Variants in NINL observed in about 807,000 individuals in gnomAD.
NINL encodes the protein ninein like, also known as ninein-like protein.
NINL carries 153 observed loss-of-function variants against 160.3 expected under a neutral mutation model. The ratio of observed to expected loss-of-function variants is 0.95; its 90% confidence interval spans 0.84 to 1.09. The LOEUF (loss-of-function observed/expected upper bound fraction) is 1.09, where lower values mean the gene tolerates loss of function less well. NINL is among the 50% of genes least tolerant of loss of function. The probability of loss-of-function intolerance (pLI) is 0.00; values close to 1 mark genes in which losing one functional copy is unlikely to be tolerated. For missense variants in NINL, 1,829 were observed against 1,764.0 expected (o/e 1.04, Z -0.66); for synonymous variants, 800 against 734.8 (o/e 1.09, Z -1.43).
intron 1 of NINL, among the ~76,000 whole-genome samples, chr20:25,571,321 T>C (rs533470538): frequency 3.9e-5 from 6 of 152,334 alleles, no homozygotes; most frequent in African/African-American, 1.2e-4. Flanking sequence ...CCTCCCTGTC[T>C]CACCAGGGGC....
intron 5 of NINL, among the ~76,000 whole-genome samples, chr20:25,505,867 G>A (rs1193769235): frequency 6.6e-6 from 1 of 151,176 alleles, no homozygotes; most frequent in Non-Finnish European, 1.5e-5. Flanking sequence ...ACTTCACTCT[G>A]TTTACAAATT....
intron 1 of NINL, among the ~76,000 whole-genome samples, chr20:25,550,322 C>T (rs939290566): frequency 1.8e-4 from 28 of 152,334 alleles, no homozygotes; most frequent in Non-Finnish European, 3.2e-4. Context: ...TGTGGTGACC[C>T]GTGACTGTGC....
At chr20:25,498,088 C>T in intron 9 of NINL, 122 bp downstream of exon 9, 1 of 1,211,526 alleles carries the variant, frequency 8.3e-7, no homozygotes, top group South Asian at 1.4e-5. Context: ...CAGAGCCCTG[C>T]CCCAGGACTG....
At chr20:25,481,778 CCTT>C in intron 14 of NINL, 187 bp downstream of exon 14, 5 of 787,508 alleles carry the variant, frequency 6.3e-6, no homozygotes, top group Non-Finnish European at 9.9e-6. Context: ...CTGCAGGTGA[CCTT>C]CCGTGTTGCA....
At chr20:25,558,391 A>G (rs1442518218) in intron 1 of NINL, among the ~76,000 whole-genome samples, 4 of 152,152 alleles carry the variant, frequency 2.6e-5, no homozygotes, top group Admixed American at 6.5e-5. Flanking sequence ...TATTTTTAGT[A>G]GAGATGGGGT....
intron 1 of NINL, among the ~76,000 whole-genome samples, chr20:25,583,684 T>C (rs1400826148): frequency 1.3e-5 from 2 of 152,206 alleles, no homozygotes; most frequent in African/African-American, 2.4e-5. Flanking sequence ...TGTATGTTTA[T>C]TGCAGCACTA....
At chr20:25,490,264 C>T (rs925582805) in intron 11 of NINL, among the ~76,000 whole-genome samples, 3 of 152,116 alleles carry the variant, frequency 2.0e-5, no homozygotes, top group South Asian at 4.1e-4. Flanking sequence ...ATGAGTCATA[C>T]GAGAAAGGGT....
Position 25,526,515 on chromosome 20 carries a change from C to G in NINL, c.73G>C (p.Gly25Arg), listed in dbSNP as rs1400492577. ...VYSSCDTTGT[G>R]FLDRQELTQL... ...GTCAGCTCCTGGCGGTCCAGAAAGC[C>G]AGTCCCCGTGGTGTCGCAGCTGCTG... is the stretch of plus-strand genomic sequence containing the variant. The change falls in exon 2 of 24, where the codon GGC (glycine) becomes CGC (arginine). Residue 25 changes from glycine (G) to arginine (R), a missense_variant. Coordinates refer to ENST00000278886, the MANE Select transcript of NINL (RefSeq NM_025176.6). 1 of 1,614,230 alleles carries G rather than the reference C, an allele frequency of 6.2e-7. No homozygotes were observed. The highest frequency in any genetic ancestry group is 1.1e-5 in the South Asian group (1 of 91,082).
intron 1 of NINL, among the ~76,000 whole-genome samples, chr20:25,574,471 C>T (rs190033466): frequency 1.8e-4 from 28 of 152,220 alleles, no homozygotes; most frequent in African/African-American, 6.7e-4. Flanking sequence ...TGACACATGG[C>T]TATCAGAACA....
intron 8 of NINL, among the ~76,000 whole-genome samples, chr20:25,499,413 T>C (rs2063823192): frequency 6.6e-6 from 1 of 151,980 alleles, no homozygotes. Context: ...CTAGCGCAAA[T>C]GGGAAAGAGA....
intron 1 of NINL, among the ~76,000 whole-genome samples, chr20:25,546,193 T>C (rs1377898191): frequency 6.6e-6 from 1 of 152,176 alleles, no homozygotes; most frequent in Non-Finnish European, 1.5e-5. Flanking sequence ...ATAAACCTCC[T>C]TAAGATATTT....
rs1197336295 is a variant in NINL, at chr20:25,505,011, G to A, written c.585C>T (p.Asp195=). 5 of 1,613,448 alleles carry A rather than the reference G, an allele frequency of 3.1e-6. No individual in the cohort carries two copies. Among genetic ancestry groups the A allele is most frequent in the Non-Finnish European group, 4.2e-6 (5 of 1,179,670 alleles). ...CGCCCCGGATCTGGCTCTCTGGGGT[G>A]TCAAAGGAGGGGCTGCAGGACTTCT... The part of the protein sequence containing the change: ...SPQKSCSPSF[D]TPESQIRGVW... Residue 195 remains aspartate (D), a synonymous_variant, in exon 6 of 24, where the codon GAC becomes GAT. Coordinates refer to ENST00000278886, the MANE Select transcript of NINL (RefSeq NM_025176.6).
At chr20:25,469,075 A>C (rs1475430107) in intron 18 of NINL, among the ~76,000 whole-genome samples, 54 of 50,220 alleles carry the variant, frequency 1.1e-3, no homozygotes, top group Admixed American at 1.5e-3. Flanking sequence ...TGGGTGCCCC[A>C]CTGCCCTGTC....
At position 25,476,733 on chromosome 20, in the gene NINL, C is replaced by T; in HGVS notation, c.2558G>A (p.Cys853Tyr). 1.9e-6 allele frequency: 3 copies of T among 1,605,722 alleles called. No homozygotes were observed. The highest frequency in any genetic ancestry group is 1.7e-6 in the Non-Finnish European group (2 of 1,179,136). The change falls in exon 17 of 24, where the codon TGT (cysteine) becomes TAT (tyrosine). Residue 853 changes from cysteine (C) to tyrosine (Y), a missense_variant. Coordinates refer to ENST00000278886, the MANE Select transcript of NINL (RefSeq NM_025176.6). ...TRGLLPLRPG[C>Y]GERPLAWLAP... ...CAGCCAGGCCAGTGGCCGCTCCCCA[C>T]AGCCCGGACGCAGTGGTAGGAGGCC...
At chr20:25,507,438 G>T (rs1475122979) in intron 5 of NINL, among the ~76,000 whole-genome samples, 5 of 152,134 alleles carry the variant, frequency 3.3e-5, no homozygotes, top group African/African-American at 1.2e-4. Flanking sequence ...CAGACACTGG[G>T]TGTCCAGCAG....
intron 5 of NINL, among the ~76,000 whole-genome samples, chr20:25,506,833 GT>G (rs2146839107): frequency 6.6e-6 from 1 of 152,212 alleles, no homozygotes; most frequent in Non-Finnish European, 1.5e-5. Context: ...TCCATCTGGG[GT>G]ATCTGAAATC....
At chr20:25,470,760 T>C (rs967357829) in intron 17 of NINL, among the ~76,000 whole-genome samples, 4 of 152,126 alleles carry the variant, frequency 2.6e-5, no homozygotes, top group African/African-American at 9.7e-5. Context: ...CTGGGGAGGC[T>C]GAGGCAGGAA....
intron 1 of NINL, among the ~76,000 whole-genome samples, chr20:25,567,479 AG>A (rs2065009048): frequency 6.6e-6 from 1 of 152,202 alleles, no homozygotes; most frequent in Admixed American, 6.5e-5. Flanking sequence ...GAAAACCAAA[AG>A]AAAGACCTAG....
chr20:25,575,742 T>G (rs1312287376), intron 1 of NINL, among the ~76,000 whole-genome samples: 1 of 144,382 alleles, frequency 6.9e-6, no homozygotes, highest in East Asian at 2.3e-4. Flanking sequence ...AAGTACTCAG[T>G]CTCAAAAAAA....
Sources: gnomAD v4.1 joint callset for allele counts (sites outside exome capture counted in the v4.1 genomes callset) on GRCh38, gnomAD v4.1.1 for gene constraint, MANE v1.5 for transcripts, NCBI Gene and HGNC (gene_info 2026-07-23, HGNC 2026-07-21) for gene names.